Variants in MYRFL observed in about 807,000 individuals in gnomAD.
MYRFL encodes the protein myelin regulatory factor like, also known as myelin regulatory factor-like protein.
Under a neutral mutation model 109.4 loss-of-function variants are expected in MYRFL, and 88 were observed. That is an observed-to-expected ratio of 0.80 (90% CI 0.68 to 0.96). The LOEUF is 0.96. Ranked by LOEUF, MYRFL falls within the 40% of genes least tolerant of loss-of-function variation. The pLI is 0.00. For missense variants in MYRFL, 957 were observed against 954.9 expected, an observed-to-expected ratio of 1.00 and a Z score of -0.03; for synonymous variants, 324 against 320.9, an observed-to-expected ratio of 1.01 and a Z score of -0.10.
At chr12:69,877,941 T>G (rs1226984373) in intron 2 of MYRFL, among the ~76,000 whole-genome samples, 2 of 152,208 alleles carry the variant, frequency 1.3e-5, no homozygotes, top group Admixed American at 6.5e-5. Context: ...TACACATTTT[T>G]TTAAAAATAA....
At chr12:69,863,382 G>C (rs1421354156) in intron 2 of MYRFL, among the ~76,000 whole-genome samples, 7 of 152,080 alleles carry the variant, frequency 4.6e-5, no homozygotes, top group Non-Finnish European at 8.8e-5. Flanking sequence ...TCTGGTCCTG[G>C]ACTCTTTTTG....
intron 19 of MYRFL, among the ~76,000 whole-genome samples, chr12:69,938,272 G>A (rs1362415737): frequency 6.6e-6 from 1 of 152,140 alleles, no homozygotes; most frequent in Admixed American, 6.5e-5. Context: ...TCTTACTTTG[G>A]GAGCCCATGC....
chr12:69,879,006 A>C (rs557005285), intron 2 of MYRFL, 22 bp from the exon 3 acceptor site: 5 of 702,742 alleles, frequency 7.1e-6, no homozygotes, highest in African/African-American at 3.5e-5. Flanking sequence ...ACAAAAACGC[A>C]ATGTATGTCT....
At chr12:69,946,408 A>T (rs557368553) in intron 19 of MYRFL, 1 of 152,320 alleles carries the variant, frequency 6.6e-6, no homozygotes, top group Admixed American at 6.5e-5. Flanking sequence ...AGAAAACCCA[A>T]AAACTTTTGG....
chr12:69,907,544 T>C (rs1169165879), intron 11 of MYRFL, among the ~76,000 whole-genome samples: 4 of 152,194 alleles, frequency 2.6e-5, no homozygotes, highest in African/African-American at 9.6e-5. Flanking sequence ...CAGGGGCCTA[T>C]GGCTGAGGAA....
At chr12:69,865,713 T>A (rs1592722877) in intron 2 of MYRFL, among the ~76,000 whole-genome samples, 1 of 152,216 alleles carries the variant, frequency 6.6e-6, no homozygotes, top group South Asian at 2.1e-4. Flanking sequence ...TATATTTTAG[T>A]CTCCGTGATA....
chr12:69,930,786 T>C lies in MYRFL; in HGVS notation c.1831-1727T>C, dbSNP rs569688876. Among the ~76,000 whole-genome samples, 3 of 149,402 alleles carry C rather than the reference T, an allele frequency of 2.0e-5. No homozygotes were observed. In the East Asian group the frequency reaches 5.9e-4, roughly 29 times the overall value. On this transcript the variant is annotated intron_variant, in intron 15 of 24. Coordinates refer to ENST00000552032, the MANE Select transcript of MYRFL (RefSeq NM_182530.3). The stretch of plus-strand genomic sequence containing the variant: ...AAAATTATGCCATTGCACTCCAGCA[T>C]TGGTGACAAAGCAAGACCCTATCTA...
chr12:69,847,144 C>T (rs1883607177), intron 1 of MYRFL, among the ~76,000 whole-genome samples: 1 of 152,048 alleles, frequency 6.6e-6, no homozygotes. Context: ...GGTTCTTGTG[C>T]CACTCAAACT....
intron 19 of MYRFL, among the ~76,000 whole-genome samples, chr12:69,945,609 ATGCAT>A (rs1955807821): frequency 6.6e-6 from 1 of 152,196 alleles, no homozygotes; most frequent in South Asian, 2.1e-4. Context: ...TAGTTAAGCA[ATGCAT>A]GACTGTATTG....
chr12:69,941,912 C>A (rs1247156004), intron 19 of MYRFL, among the ~76,000 whole-genome samples: 5 of 147,136 alleles, frequency 3.4e-5, no homozygotes, highest in South Asian at 4.3e-4. Flanking sequence ...AACACCTCTA[C>A]GCAAATAAAC....
intron 2 of MYRFL, among the ~76,000 whole-genome samples, chr12:69,873,940 G>T (rs11177921): frequency 0.17 from 25,371 of 151,020 alleles, 2,787 homozygotes; most frequent in Non-Finnish European, 0.24. Context: ...CATTTTATCT[G>T]TTGACTTTAG....
At chr12:69,949,971 C>A (rs1955935973) in intron 19 of MYRFL, among the ~76,000 whole-genome samples, 1 of 152,194 alleles carries the variant, frequency 6.6e-6, no homozygotes, top group Non-Finnish European at 1.5e-5. Context: ...GCACTCAGAA[C>A]AATGTTCAAT....
At chr12:69,900,094 A>G (rs569439585) in intron 10 of MYRFL, among the ~76,000 whole-genome samples, 1 of 152,324 alleles carries the variant, frequency 6.6e-6, no homozygotes, top group East Asian at 1.9e-4. Flanking sequence ...CCTCATTTTG[A>G]AAACCAATAG....
chr12:69,842,882 T>C (rs1469831270), intron 1 of MYRFL, among the ~76,000 whole-genome samples: 1 of 152,248 alleles, frequency 6.6e-6, no homozygotes, highest in Non-Finnish European at 1.5e-5. Context: ...ACACCTTGCA[T>C]TGCTATAGCT....
At chr12:69,870,605 C>T (rs988877624) in intron 2 of MYRFL, among the ~76,000 whole-genome samples, 5 of 152,152 alleles carry the variant, frequency 3.3e-5, no homozygotes, top group Non-Finnish European at 5.9e-5. Flanking sequence ...AATCATTGCT[C>T]TTGTTTTAAC....
chr12:69,915,728 C>G (rs1258178819), intron 13 of MYRFL, among the ~76,000 whole-genome samples: 3 of 152,090 alleles, frequency 2.0e-5, no homozygotes, highest in Admixed American at 2.0e-4. Flanking sequence ...GGGAGTGACA[C>G]TGAAAGCAAG....
At chr12:69,863,347 C>G (rs1017725758) in intron 2 of MYRFL, among the ~76,000 whole-genome samples, 1 of 152,132 alleles carries the variant, frequency 6.6e-6, no homozygotes, top group Admixed American at 6.5e-5. Flanking sequence ...CCTTGTACCT[C>G]TGGTAGAATT....
At chr12:69,925,428 A>G (rs1342094409) in intron 13 of MYRFL, among the ~76,000 whole-genome samples, 5 of 152,200 alleles carry the variant, frequency 3.3e-5, no homozygotes, top group Non-Finnish European at 7.3e-5. Context: ...AGTTTGGATG[A>G]TAAGAATCTC....
chr12:69,947,274 AC>A (rs1433022429), intron 19 of MYRFL, among the ~76,000 whole-genome samples: 2 of 152,250 alleles, frequency 1.3e-5, no homozygotes, highest in African/African-American at 4.8e-5. Flanking sequence ...ACCCCTAAAC[AC>A]ATTTATGAGC....
Sources: gnomAD v4.1 joint callset for allele counts (sites outside exome capture counted in the v4.1 genomes callset) on GRCh38, gnomAD v4.1.1 for gene constraint, MANE v1.5 for transcripts, NCBI Gene and HGNC (gene_info 2026-07-23, HGNC 2026-07-21) for gene names.